BLK: variants seen among roughly 807,000 people sequenced by gnomAD.
The protein encoded by BLK is BLK proto-oncogene, Src family tyrosine kinase.
In BLK, 64 loss-of-function variants were observed where a neutral mutation model predicts 61.8. That is an observed-to-expected ratio of 1.03 (90% CI 0.85 to 1.27). The LOEUF is 1.27. Ranked by LOEUF, BLK falls within the 50% of genes most tolerant of loss-of-function variation. The pLI is 0.00. For synonymous variants in BLK, 351 were observed against 272.0 expected, an observed-to-expected ratio of 1.29 and a Z score of -2.86; for missense variants, 853 against 660.5, an observed-to-expected ratio of 1.29 and a Z score of -3.19.
intron 1 of BLK, among the ~76,000 whole-genome samples, chr8:11,533,476 G>T (rs922703335): frequency 3.3e-5 from 5 of 152,142 alleles, no homozygotes; most frequent in African/African-American, 1.2e-4. Flanking sequence ...GACCAGATGT[G>T]TATCTGGGTA....
chr8:11,499,095 G>A (rs531321748), intron 1 of BLK, among the ~76,000 whole-genome samples: 11 of 152,306 alleles, frequency 7.2e-5, no homozygotes, highest in African/African-American at 1.2e-4. Context: ...ATAAGATTTC[G>A]GTCAATCACA....
At chr8:11,560,355 ATGTGTT>A in intron 10 of BLK, 1 of 216,892 alleles carries the variant, frequency 4.6e-6, no homozygotes, top group African/African-American at 2.4e-5. Flanking sequence ...GGATGCATGG[ATGTGTT>A]GATGGATGGA....
chr8:11,555,407 A>C lies in BLK; in HGVS notation c.695A>C (p.Asp232Ala). The part of the protein sequence containing the change: ...RPAPQNPWAQ[D>A]EWEIPRQSLR... ...GCCCCGCAGAATCCCTGGGCCCAGGATGAATGGGAGATCCCCCGGCAGTCT... is the reference window on the plus strand; with the variant it reads ...GCCCCGCAGAATCCCTGGGCCCAGGCTGAATGGGAGATCCCCCGGCAGTCT... The change falls in exon 8 of 13, where the codon GAT (aspartate) becomes GCT (alanine). Residue 232 changes from aspartate (D) to alanine (A), a missense_variant. Asp to Ala is a moderately radical substitution (Grantham distance 126, BLOSUM62 -2). Transcript: ENST00000259089. The C allele has an allele frequency of 6.2e-7, 1 of 1,614,136 alleles. No individual in the cohort carries two copies. Among genetic ancestry groups the C allele is most frequent in the African/African-American group, 1.3e-5 (1 of 75,026 alleles).
intron 1 of BLK, among the ~76,000 whole-genome samples, chr8:11,528,618 G>A (rs1799767279): frequency 6.6e-6 from 1 of 152,134 alleles, no homozygotes. Flanking sequence ...TTGGGGGAGG[G>A]GTTGACCCCA....
intron 10 of BLK, chr8:11,558,846 C>A: frequency 2.2e-6 from 1 of 455,532 alleles, no homozygotes; most frequent in Non-Finnish European, 4.4e-6. Flanking sequence ...CAGCTGCCAC[C>A]GAGAGGAAAC....
At chr8:11,523,328 A>G (rs1011323729) in intron 1 of BLK, among the ~76,000 whole-genome samples, 1 of 152,176 alleles carries the variant, frequency 6.6e-6, no homozygotes, top group Non-Finnish European at 1.5e-5. Context: ...CCAAGGCAGG[A>G]GGATCACTTG....
At chr8:11,560,631 C>A in intron 10 of BLK, 1 of 343,752 alleles carries the variant, frequency 2.9e-6, no homozygotes, top group Non-Finnish European at 5.8e-6. Context: ...CTGGCCCAGG[C>A]TGGTGATCAG....
intron 1 of BLK, among the ~76,000 whole-genome samples, chr8:11,541,413 G>C (rs1335797737): frequency 6.6e-6 from 1 of 151,886 alleles, no homozygotes; most frequent in Non-Finnish European, 1.5e-5. Flanking sequence ...CAAATTAAAG[G>C]TGAACATACA....
chr8:11,559,717 G>T, intron 10 of BLK: 1 of 455,590 alleles, frequency 2.2e-6, no homozygotes, highest in Non-Finnish European at 4.4e-6. Flanking sequence ...GATGCCACCG[G>T]TTCCCATGCC....
At chr8:11,505,965 C>G (rs750255765) in intron 1 of BLK, among the ~76,000 whole-genome samples, 29 of 152,222 alleles carry the variant, frequency 1.9e-4, no homozygotes, top group Non-Finnish European at 3.8e-4. Flanking sequence ...CCGATAAGAC[C>G]TCTCCCCATC....
At chr8:11,511,474 TCTGGCAC>T (rs1229667155) in intron 1 of BLK, among the ~76,000 whole-genome samples, 8 of 152,278 alleles carry the variant, frequency 5.3e-5, no homozygotes, top group African/African-American at 1.9e-4. Flanking sequence ...AACAACAAAC[TCTGGCAC>T]CAGTCAGCGG....
chr8:11,551,417 C>T (rs892337496), intron 6 of BLK, among the ~76,000 whole-genome samples: 2 of 152,232 alleles, frequency 1.3e-5, no homozygotes, highest in Admixed American at 6.5e-5. Flanking sequence ...CTTGTAAGGA[C>T]ACCTGTCAAT....
intron 6 of BLK, chr8:11,552,941 T>C (rs1222389117): frequency 1.3e-5 from 2 of 153,856 alleles, no homozygotes; most frequent in African/African-American, 2.4e-5. Context: ...AATGCACACA[T>C]ATACACACAT....
At chr8:11,524,739 G>T (rs140139261) in intron 1 of BLK, among the ~76,000 whole-genome samples, 1 of 152,082 alleles carries the variant, frequency 6.6e-6, no homozygotes, top group Non-Finnish European at 1.5e-5. Flanking sequence ...TGGGGTGTGC[G>T]GCAGAAGAAG....
intron 8 of BLK, 30 bp downstream of exon 8, chr8:11,555,514 T>C (rs1563120517): frequency 1.2e-6 from 2 of 1,613,564 alleles, no homozygotes; most frequent in African/African-American, 1.3e-5. Context: ...GGAGCATTTC[T>C]CCCCCCATTC....
chr8:11,558,900 GCCCAGCCTTA>G (rs1801353813), intron 10 of BLK: 1 of 452,514 alleles, frequency 2.2e-6, no homozygotes, highest in Non-Finnish European at 4.4e-6. Flanking sequence ...CTCGCCCCTC[GCCCAGCCTTA>G]CCCAGTAGCG....
At chr8:11,545,201 A>T (rs547681454) in intron 2 of BLK, among the ~76,000 whole-genome samples, 1 of 152,312 alleles carries the variant, frequency 6.6e-6, no homozygotes, top group African/African-American at 2.4e-5. Context: ...TTGCCTGAGT[A>T]TACTGTAATT....
chr8:11,523,839 GT>G (rs34969445), intron 1 of BLK, among the ~76,000 whole-genome samples: 120,087 of 149,116 alleles, frequency 0.81, 48,457 homozygotes, highest in East Asian at 0.97. Flanking sequence ...TGACAGAGTT[GT>G]TTTTTTTTTT....
intron 1 of BLK, among the ~76,000 whole-genome samples, chr8:11,494,877 T>C (rs2117217683): frequency 6.6e-6 from 1 of 152,276 alleles, no homozygotes; most frequent in East Asian, 1.9e-4. Context: ...GGACGTGGGA[T>C]GTAGAGAGGG....
Sources: allele counts gnomAD v4.1 joint callset (sites outside exome capture counted in the v4.1 genomes callset), GRCh38; gene constraint gnomAD v4.1.1; transcripts MANE v1.5; gene names NCBI Gene and HGNC (gene_info 2026-07-23, HGNC 2026-07-21).